COL19A1: variants seen among roughly 807,000 people sequenced by gnomAD.
COL19A1 encodes collagen type XIX alpha 1 chain, also known as collagen alpha-1(XIX) chain.
In COL19A1, 159 loss-of-function variants were observed where a neutral mutation model predicts 190.2. The ratio of observed to expected loss-of-function variants is 0.84; its 90% CI spans 0.73 to 0.95. COL19A1 has a LOEUF of 0.95. COL19A1 is among the 40% of genes least tolerant of loss of function. The pLI is 0.00. For missense variants in COL19A1, 1,418 were observed against 1,431.9 expected (o/e 0.99, Z 0.16); for synonymous variants, 509 against 458.9 (o/e 1.11, Z -1.39).
chr6:70,203,008 G>A (rs1366760821), intron 49 of COL19A1, among the ~76,000 whole-genome samples: 1 of 152,132 alleles, frequency 6.6e-6, no homozygotes, highest in South Asian at 2.1e-4. Flanking sequence ...CTCATGGCTG[G>A]TTCTCCCGGG....
intron 15 of COL19A1, among the ~76,000 whole-genome samples, chr6:70,094,926 A>G (rs1421219850): frequency 3.3e-5 from 5 of 152,204 alleles, no homozygotes; most frequent in African/African-American, 1.2e-4. Context: ...TTGAAATTTA[A>G]CATACATTAA....
intron 11 of COL19A1, among the ~76,000 whole-genome samples, chr6:70,008,575 A>T (rs954996634): frequency 6.6e-6 from 1 of 151,972 alleles, no homozygotes; most frequent in Admixed American, 6.6e-5. Flanking sequence ...GCTTAGATTC[A>T]GATGTCTTTA....
chr6:69,880,192 T>C (rs549414368), intron 2 of COL19A1, among the ~76,000 whole-genome samples: 23 of 152,340 alleles, frequency 1.5e-4, no homozygotes, highest in Admixed American at 1.5e-3. Flanking sequence ...AATTATTAAA[T>C]GTATCAGTCT....
chr6:70,004,735 C>G (rs558435276), intron 11 of COL19A1, among the ~76,000 whole-genome samples: 10 of 152,236 alleles, frequency 6.6e-5, no homozygotes, highest in African/African-American at 2.4e-4. Flanking sequence ...TTATGTTCCT[C>G]TCTAAACTGG....
Position 70,208,990 on chromosome 6 carries a change from T to A in COL19A1, c.*1716T>A, listed in dbSNP as rs1400723721. ...TGTATATTTCAATTCCAAGTTTATT[T>A]ATTTTCCAAGGTTATTTTATTTATT... On this transcript the variant is annotated 3_prime_UTR_variant, in exon 51 of 51. Coordinates refer to ENST00000620364, the MANE Select transcript of COL19A1 (RefSeq NM_001858.6). 3 of 152,670 alleles carry A rather than the reference T, an allele frequency of 2.0e-5. No individual in the cohort carries two copies. The highest frequency in any genetic ancestry group is 7.2e-5 in the African/African-American group (3 of 41,470). The allele number at this position is 152,670 out of a possible 1,614,324, so 9.5% of individuals were successfully genotyped here.
At chr6:70,163,137 G>A (rs1787910990) in intron 35 of COL19A1, among the ~76,000 whole-genome samples, 1 of 152,128 alleles carries the variant, frequency 6.6e-6, no homozygotes, top group East Asian at 1.9e-4. Flanking sequence ...AGGTGAAAAA[G>A]CGACCACAAA....
At chr6:70,155,547 T>A (rs747951587) in intron 31 of COL19A1, among the ~76,000 whole-genome samples, 9 of 152,204 alleles carry the variant, frequency 5.9e-5, no homozygotes, top group Admixed American at 1.3e-4. Flanking sequence ...AGATTTCCTA[T>A]TGTCACTTGG....
intron 47 of COL19A1, among the ~76,000 whole-genome samples, 159 bp from the exon 48 acceptor site, chr6:70,190,156 A>G (rs556665335): frequency 6.6e-6 from 1 of 152,354 alleles, no homozygotes; most frequent in African/African-American, 2.4e-5. Flanking sequence ...GGTCAAAGCA[A>G]CAGATATTTA....
rs544032892 is a variant in COL19A1 at position 70,102,869 on chromosome 6, A to G, written c.1278+647A>G. On this transcript the variant is annotated intron_variant, in intron 16 of 50. Transcript: ENST00000620364. The stretch of plus-strand genomic sequence containing the variant: ...ATTGCAGATTCCCTGAGCACTTTTC[A>G]GGCTTCTTCTTACTTTACTGCTACA... 2.0e-5 allele frequency among the ~76,000 whole-genome samples: 3 copies of G among 152,170 alleles called. No individual in the cohort carries two copies. The South Asian group carries it at 6.2e-4, about 32-fold the overall frequency.
chr6:69,953,337 A>G (rs1485463835), intron 9 of COL19A1, among the ~76,000 whole-genome samples: 1 of 151,882 alleles, frequency 6.6e-6, no homozygotes, highest in East Asian at 1.9e-4. Flanking sequence ...TTTTAATCAT[A>G]ATTAGTATTC....
In COL19A1 at chr6:70,184,186, C is replaced by T. The variant is rs117955349; in HGVS notation, c.2776-517C>T. 2.9e-3 allele frequency among the ~76,000 whole-genome samples: 440 copies of T among 152,274 alleles called. 19 individuals are homozygous for T. In the East Asian group the frequency reaches 0.076, roughly 26 times the overall value. ...CTGACACTTTATTTCATAGTAGGAT[C>T]ATGCTCTGGCCATGTTATGAAATTT... On this transcript the variant is annotated intron_variant, in intron 44 of 50. Transcript: ENST00000620364.
At chr6:70,098,758 T>C (rs905490098) in intron 15 of COL19A1, 6 of 203,124 alleles carry the variant, frequency 3.0e-5, no homozygotes, top group Admixed American at 1.1e-4. Flanking sequence ...TGCTTTTAAG[T>C]AGAAGATAGA....
chr6:70,201,055 T>A (rs776348943), intron 49 of COL19A1, among the ~76,000 whole-genome samples: 11 of 152,230 alleles, frequency 7.2e-5, no homozygotes, highest in Non-Finnish European at 1.3e-4. Flanking sequence ...TGGTTGGGTC[T>A]ATTCTGAAGT....
At chr6:70,139,722 C>T (rs1786117444) in intron 19 of COL19A1, among the ~76,000 whole-genome samples, 1 of 151,908 alleles carries the variant, frequency 6.6e-6, no homozygotes, top group African/African-American at 2.4e-5. Context: ...CAAATTTTCC[C>T]CCACCATAGG....
intron 44 of COL19A1, among the ~76,000 whole-genome samples, chr6:70,183,587 CCT>C (rs1367322137): frequency 6.6e-6 from 1 of 152,174 alleles, no homozygotes; most frequent in African/African-American, 2.4e-5. Context: ...TATCCTTGTT[CCT>C]TGTGTGTCTG....
intron 9 of COL19A1, among the ~76,000 whole-genome samples, chr6:69,954,684 A>G (rs1774311845): frequency 6.6e-6 from 1 of 152,004 alleles, no homozygotes; most frequent in Non-Finnish European, 1.5e-5. Context: ...TCTCTCTCAA[A>G]CACAAATATT....
chr6:70,066,041 C>T (rs1208236761), intron 14 of COL19A1, among the ~76,000 whole-genome samples: 4 of 152,162 alleles, frequency 2.6e-5, no homozygotes, highest in African/African-American at 4.8e-5. Flanking sequence ...GACAATGCAG[C>T]GATTCCTCAG....
chr6:69,918,898 T>C (rs190189182), intron 4 of COL19A1, among the ~76,000 whole-genome samples: 173 of 152,284 alleles, frequency 1.1e-3, no homozygotes, highest in Admixed American at 2.7e-3. Flanking sequence ...GACGCAGCAA[T>C]ATAAAACGTT....
At chr6:69,870,515 A>G (rs1204522747) in intron 1 of COL19A1, among the ~76,000 whole-genome samples, 1 of 152,240 alleles carries the variant, frequency 6.6e-6, no homozygotes, top group Non-Finnish European at 1.5e-5. Context: ...GTAGCCAAAA[A>G]AGCACATGCA....
Sources: gnomAD v4.1 joint callset for allele counts (sites outside exome capture counted in the v4.1 genomes callset) on GRCh38, gnomAD v4.1.1 for gene constraint, MANE v1.5 for transcripts, NCBI Gene and HGNC (gene_info 2026-07-23, HGNC 2026-07-21) for gene names.